PATL1: variants seen among roughly 807,000 people sequenced by gnomAD.
PATL1 encodes the protein protein PAT1 homolog 1.
PATL1 carries 32 observed loss-of-function variants against 100.6 expected under a neutral mutation model. That is an observed-to-expected ratio of 0.32 (90% CI 0.24 to 0.43). The LOEUF (loss-of-function observed/expected upper bound fraction) is 0.43, where lower values mean the gene tolerates loss of function less well. Ranked by LOEUF, PATL1 falls within the 20% of genes least tolerant of loss-of-function variation. The pLI is 1.00. For missense variants in PATL1, 747 were observed against 949.9 expected (o/e 0.79, Z 2.81); for synonymous variants, 332 against 330.0 (o/e 1.01, Z -0.07).
Position 59,648,564 on chromosome 11 carries a change from GTTAA to G in PATL1, c.1734-655_1734-652del, listed in dbSNP as rs1056591219. On this transcript the variant is annotated intron_variant, in intron 14 of 18. Coordinates refer to ENST00000300146, the MANE Select transcript of PATL1 (RefSeq NM_152716.3). ...AAATAAAAACATTCGTCAACTCAGAGTTAATTAGTGTTACCATTTTAAACAACAT... is the reference window on the plus strand; with the variant it reads ...AAATAAAAACATTCGTCAACTCAGAGTTAGTGTTACCATTTTAAACAACAT... 1.3e-4 allele frequency among the ~76,000 whole-genome samples: 20 copies of G among 150,644 alleles called. No individual in the cohort carries two copies. The South Asian group carries it at 2.9e-3, about 22-fold the overall frequency.
Position 59,669,021 on chromosome 11 carries a change from G to A in PATL1, c.-126C>T, listed in dbSNP as rs937457150. On this transcript the variant is annotated 5_prime_UTR_variant, in exon 1 of 19. Coordinates refer to ENST00000300146, the MANE Select transcript of PATL1 (RefSeq NM_152716.3). ...GACCCCTGGCCGCCGCCGTACGCCG[G>A]AGCGTGCGTGGGGACGTGCGCAGGC... 4 of 246,142 alleles carry A rather than the reference G, an allele frequency of 1.6e-5. No individual in the cohort carries two copies. The Admixed American group carries it at 1.7e-4, about 11-fold the overall frequency. The allele number at this position is 246,142 out of a possible 1,614,324, so 15.2% of individuals were successfully genotyped here.
At chr11:59,644,191 T>G (rs1262499744) in intron 15 of PATL1, among the ~76,000 whole-genome samples, 1 of 152,192 alleles carries the variant, frequency 6.6e-6, no homozygotes, top group East Asian at 1.9e-4. Context: ...TCAACCAAAT[T>G]ATCAACATTT....
intron 11 of PATL1, among the ~76,000 whole-genome samples, chr11:59,652,150 C>CTT (rs10627707): frequency 0.98 from 145,217 of 148,322 alleles, 71,108 homozygotes; most frequent in East Asian, 1. Context: ...TCCTTTCTCT[C>CTT]TGTTACAATA....
chr11:59,661,102 T>G (rs1019894808), intron 2 of PATL1, among the ~76,000 whole-genome samples: 9 of 152,284 alleles, frequency 5.9e-5, no homozygotes, highest in African/African-American at 2.2e-4. Context: ...TATTTTTATT[T>G]TTTGAGACAG....
chr11:59,636,730 ATTTG>A lies in PATL1; in HGVS notation c.*1656_*1659del, dbSNP rs1472138950. On this transcript the variant is annotated 3_prime_UTR_variant, in exon 19 of 19. Transcript: ENST00000300146. ...GCAGGCACTCATTTTTAAGTATACAATTTGTTTTTATTTACAATACCCTATAAAA... is the reference window on the plus strand; with the variant it reads ...GCAGGCACTCATTTTTAAGTATACAATTTTTATTTACAATACCCTATAAAA... The A allele has an allele frequency of 6.6e-6, 1 of 152,636 alleles. No homozygotes were observed. Among genetic ancestry groups the A allele is most frequent in the Admixed American group, 6.5e-5 (1 of 15,278 alleles). The allele number at this position is 152,636 out of a possible 1,614,324, so 9.5% of individuals were successfully genotyped here.
At chr11:59,641,542 C>T (rs1473482109) in intron 16 of PATL1, among the ~76,000 whole-genome samples, 2 of 152,054 alleles carry the variant, frequency 1.3e-5, no homozygotes, top group Non-Finnish European at 2.9e-5. Context: ...AGCTTGAGCT[C>T]AGGAGTTTGA....
chr11:59,667,572 T>C (rs1861709280), intron 1 of PATL1, among the ~76,000 whole-genome samples: 1 of 152,206 alleles, frequency 6.6e-6, no homozygotes, highest in Non-Finnish European at 1.5e-5. Flanking sequence ...ACAATCAGTG[T>C]GAACATGGGC....
chr11:59,642,911 T>C lies in PATL1; in HGVS notation c.2018A>G (p.Asn673Ser), dbSNP rs773212088. The change falls in exon 16 of 19, where the codon AAT (asparagine) becomes AGT (serine). Residue 673 changes from asparagine (N) to serine (S), a missense_variant. Asn to Ser is a conservative substitution (Grantham distance 46). Coordinates refer to ENST00000300146, the MANE Select transcript of PATL1 (RefSeq NM_152716.3). ...CTGGAGCACAGCAGTGAGGTGAGGA[T>C]TGGAGAGTGCTGGTGTAGCTGCACT... ...PQSAATPALSNPHLTAVLQNK... is the reference protein window; with the variant it reads ...PQSAATPALSSPHLTAVLQNK... 53 of 1,613,724 alleles carry C rather than the reference T, an allele frequency of 3.3e-5. No homozygotes were observed. The highest frequency in any genetic ancestry group is 4.5e-5 in the Non-Finnish European group (53 of 1,179,856).
intron 8 of PATL1, 32 bp from the exon 9 acceptor site, chr11:59,654,104 G>C (rs1385681509): frequency 6.4e-7 from 1 of 1,558,480 alleles, no homozygotes; most frequent in African/African-American, 1.4e-5. Context: ...TTCTCAGTTT[G>C]GTCATCCTGA....
chr11:59,664,919 C>A (rs1024532555), intron 2 of PATL1, among the ~76,000 whole-genome samples: 1 of 152,184 alleles, frequency 6.6e-6, no homozygotes, highest in South Asian at 2.1e-4. Context: ...ATATAATTTG[C>A]AATTCACATC....
chr11:59,658,191 A>C (rs551494317), intron 4 of PATL1, among the ~76,000 whole-genome samples: 6 of 151,372 alleles, frequency 4.0e-5, no homozygotes, highest in Admixed American at 6.6e-5. Flanking sequence ...AGAAAGAGAG[A>C]GCAAGAACAG....
At chr11:59,656,638 A>T in intron 5 of PATL1, 38 bp from the exon 6 acceptor site, 1 of 1,574,230 alleles carries the variant, frequency 6.4e-7, no homozygotes, top group Non-Finnish European at 8.7e-7. Flanking sequence ...CACTCAATGA[A>T]ATCAGTTTTT....
intron 8 of PATL1, among the ~76,000 whole-genome samples, chr11:59,654,545 T>A (rs559253616): frequency 2.0e-4 from 29 of 146,412 alleles, no homozygotes; most frequent in African/African-American, 6.1e-4. Context: ...AAGCAAAAGA[T>A]AGTCATATTT....
At chr11:59,655,774 A>G in intron 7 of PATL1, 34 bp from the exon 8 acceptor site, 1 of 1,528,022 alleles carries the variant, frequency 6.5e-7, no homozygotes, top group Non-Finnish European at 8.9e-7. Context: ...GATTTAGACA[A>G]TCAGCAAGTC....
At chr11:59,667,886 C>CA (rs1861712851) in intron 1 of PATL1, among the ~76,000 whole-genome samples, 1 of 152,216 alleles carries the variant, frequency 6.6e-6, no homozygotes, top group Non-Finnish European at 1.5e-5. Flanking sequence ...TACCTGTCCT[C>CA]AATTTTCAAA....
intron 16 of PATL1, 120 bp downstream of exon 16, chr11:59,642,760 A>G: frequency 9.1e-7 from 1 of 1,094,342 alleles, no homozygotes; most frequent in Non-Finnish European, 1.3e-6. Flanking sequence ...AGCTTAATGT[A>G]ACTCTTGACT....
At chr11:59,653,565 A>G (rs1187193850) in intron 9 of PATL1, among the ~76,000 whole-genome samples, 1 of 152,204 alleles carries the variant, frequency 6.6e-6, no homozygotes, top group Admixed American at 6.5e-5. Context: ...TTTGCTTCAA[A>G]TATTTTAAAG....
At chr11:59,649,365 G>GT (rs1316016078) in intron 14 of PATL1, 97 bp downstream of exon 14, 6 of 1,229,674 alleles carry the variant, frequency 4.9e-6, no homozygotes, top group Non-Finnish European at 6.8e-6. Context: ...TACAGAGATG[G>GT]TAGGGAAGTG....
Position 59,656,547 on chromosome 11 carries a change from A to G in PATL1, c.675T>C (p.Pro225=), listed in dbSNP as rs200304211. ...HVRPPMPPRY[P]APYGERMSPN... ...GAGACATCCTCTCACCATAGGGAGC[A>G]GGATAACGAGGTGGCATTGGGGGCC... The change falls in exon 6 of 19, where the codon CCT becomes CCC. Residue 225 remains proline (P), a synonymous_variant. Transcript: ENST00000300146. 289 of 1,614,024 alleles carry G rather than the reference A, an allele frequency of 1.8e-4. 1 individual carries two copies. The African/African-American group carries it at 3.4e-3, about 19-fold the overall frequency.
Sources: allele counts gnomAD v4.1 joint callset (sites outside exome capture counted in the v4.1 genomes callset), GRCh38; gene constraint gnomAD v4.1.1; transcripts MANE v1.5; gene names NCBI Gene and HGNC (gene_info 2026-07-23, HGNC 2026-07-21).